The following PAX2 variants were observed in gnomAD, a reference collection of about 807,000 sequenced individuals.
PAX2 encodes the protein paired box 2.
PAX2 carries 9 observed loss-of-function variants against 41.7 expected under a neutral mutation model. The ratio of observed to expected loss-of-function variants is 0.22; its 90% CI spans 0.13 to 0.38. The LOEUF is 0.38. PAX2 is among the 10% of genes least tolerant of loss of function. PAX2 has a pLI of 1.00. For synonymous variants in PAX2, 221 were observed against 212.7 expected (o/e 1.04, Z -0.34); for missense variants, 418 against 531.6 (o/e 0.79, Z 2.10).
In PAX2 at chr10:100,824,423, C is replaced by A. The variant is rs1427326500; in HGVS notation, c.920-225C>A. On this transcript the variant is annotated intron_variant, in intron 7 of 9. Transcript: ENST00000355243. This position sits in a 1 kb window ranked among gnomAD's most constrained non-coding sequence, Gnocchi z 6.6. ...ATACACAGAGACACAAAGAGCTACA[C>A]AAAACAGAGATGCGTACACACAGCT... Among the ~76,000 whole-genome samples the A allele has an allele frequency of 6.6e-6, 1 of 150,844 alleles. No homozygotes were observed. Among genetic ancestry groups the A allele is most frequent in the Non-Finnish European group, 1.5e-5 (1 of 67,760 alleles).
chr10:100,802,951 C>T (rs1314793134), intron 5 of PAX2, among the ~76,000 whole-genome samples: 1 of 152,260 alleles, frequency 6.6e-6, no homozygotes, highest in Admixed American at 6.5e-5. Flanking sequence ...TCTCTTTCTT[C>T]CTCCTTGCCG....
At chr10:100,790,296 G>T (rs533044563) in intron 5 of PAX2, among the ~76,000 whole-genome samples, 1 of 152,264 alleles carries the variant, frequency 6.6e-6, no homozygotes, top group South Asian at 2.1e-4. Context: ...GGGGTGGGCG[G>T]GTGTAGGTAT....
chr10:100,815,712 G>A (rs1848163856), intron 7 of PAX2, among the ~76,000 whole-genome samples: 1 of 152,212 alleles, frequency 6.6e-6, no homozygotes, highest in Non-Finnish European at 1.5e-5. Flanking sequence ...AGAGGTAAAG[G>A]ATATGGAAAA....
At chr10:100,766,639 G>A (rs1049427711) in intron 3 of PAX2, among the ~76,000 whole-genome samples, 21 of 152,184 alleles carry the variant, frequency 1.4e-4, no homozygotes, top group African/African-American at 4.8e-4. Flanking sequence ...TTGCTTCCAA[G>A]AAGAATAGAA....
At chr10:100,788,006 C>T (rs1205288671) in intron 5 of PAX2, among the ~76,000 whole-genome samples, 3 of 152,210 alleles carry the variant, frequency 2.0e-5, no homozygotes, top group South Asian at 2.1e-4. Context: ...GCAGACCAGC[C>T]GTGGTGTCAC....
At chr10:100,735,890 G>C (rs541826748) in intron 1 of PAX2, among the ~76,000 whole-genome samples, 1 of 152,208 alleles carries the variant, frequency 6.6e-6, no homozygotes, top group Admixed American at 6.5e-5. Context: ...GCGGACTCTG[G>C]GGCCTCCTGG....
intron 1 of PAX2, among the ~76,000 whole-genome samples, chr10:100,737,963 C>G (rs1233842624): frequency 4.6e-5 from 7 of 152,242 alleles, no homozygotes; most frequent in Non-Finnish European, 1.5e-5. Flanking sequence ...GGGATTGAAT[C>G]AGCAACTAGG....
intron 1 of PAX2, chr10:100,735,783 G>A (rs2133806422): frequency 2.0e-6 from 2 of 1,015,462 alleles, no homozygotes; most frequent in Non-Finnish European, 2.4e-6. Context: ...CTAGGGGAGA[G>A]GGATGGGGGC....
chr10:100,764,124 C>T (rs1473235149), intron 3 of PAX2, among the ~76,000 whole-genome samples: 3 of 149,890 alleles, frequency 2.0e-5, no homozygotes, highest in Admixed American at 1.3e-4. Context: ...TTTGTGTATG[C>T]ACAAACATTG....
intron 3 of PAX2, among the ~76,000 whole-genome samples, chr10:100,768,034 C>T (rs1846083839): frequency 6.7e-6 from 1 of 150,332 alleles, no homozygotes; most frequent in Non-Finnish European, 1.5e-5. Flanking sequence ...GAGAGATACA[C>T]AGGTATACAA....
chr10:100,762,715 AG>A (rs1675273782), intron 3 of PAX2, among the ~76,000 whole-genome samples: 1 of 152,236 alleles, frequency 6.6e-6, no homozygotes, highest in South Asian at 2.1e-4. Context: ...AAATGATAAA[AG>A]ACAGAGCACT....
At chr10:100,816,428 A>C (rs993399320) in intron 7 of PAX2, among the ~76,000 whole-genome samples, 1 of 152,234 alleles carries the variant, frequency 6.6e-6, no homozygotes, top group East Asian at 1.9e-4. Context: ...TAAGAAGAAA[A>C]TGTTGGCTAA....
intron 3 of PAX2, among the ~76,000 whole-genome samples, chr10:100,759,926 T>G (rs1295207590): frequency 6.6e-6 from 1 of 152,106 alleles, no homozygotes; most frequent in Non-Finnish European, 1.5e-5. Context: ...GGCAGGCAGA[T>G]GATAGAAGCT....
chr10:100,792,014 GC>G (rs1288343054), intron 5 of PAX2, among the ~76,000 whole-genome samples: 1 of 152,222 alleles, frequency 6.6e-6, no homozygotes, highest in Non-Finnish European at 1.5e-5. Flanking sequence ...CTAGGGACTT[GC>G]TTTTTCTTCG....
rs982995720 is a variant in PAX2 at position 100,747,926 on chromosome 10, G to A, written c.43+1623G>A. 8 of 980,932 alleles carry A rather than the reference G, an allele frequency of 8.2e-6. No homozygotes were observed. In the African/African-American group the frequency reaches 1.1e-4, roughly 13 times the overall value. The allele number at this position is 980,932 out of a possible 1,614,324, so 60.8% of individuals were successfully genotyped here. ...GGGGTCCGCCGAGTCCTGGCTGCCC[G>A]CGGGCAGCCACTTTGAAACCCAAAG... On this transcript the variant is annotated intron_variant, in intron 1 of 9. Transcript: ENST00000355243.
In PAX2 at chr10:100,795,743, T is replaced by C. The variant is rs182347776; in HGVS notation, c.617-10687T>C. The stretch of plus-strand genomic sequence containing the variant: ...TTTCTTTGTGACATCTCAGGGATCA[T>C]CAACAGCAGTTTTAGGGTCCTGTGT... On this transcript the variant is annotated intron_variant, in intron 5 of 9. Coordinates refer to ENST00000355243, the MANE Select transcript of PAX2 (RefSeq NM_000278.5). Among the ~76,000 whole-genome samples the C allele has an allele frequency of 4.7e-3, 709 of 152,340 alleles. 6 individuals are homozygous for C. Among genetic ancestry groups the C allele is most frequent in the Non-Finnish European group, 6.0e-3 (406 of 68,036 alleles).
upstream of PAX2, among the ~76,000 whole-genome samples, chr10:100,741,318 T>TGAA (rs1457127625): frequency 1.5e-5 from 2 of 135,762 alleles, no homozygotes; most frequent in Non-Finnish European, 3.1e-5. Flanking sequence ...GGGTCTTAGA[T>TGAA]GAAAAAAAAA....
At chr10:100,783,656 G>A (rs12254939) in intron 5 of PAX2, among the ~76,000 whole-genome samples, 3,302 of 126,736 alleles carry the variant, frequency 0.026, 143 homozygotes, top group African/African-American at 0.096. Flanking sequence ...GAAGGAGTTT[G>A]GGCTTTTTTT....
chr10:100,824,361 C>CACACAT lies in PAX2; in HGVS notation c.920-282_920-281insTACACA, dbSNP rs1848471189. Among the ~76,000 whole-genome samples, 1 of 139,886 alleles carries CACACAT rather than the reference C, an allele frequency of 7.1e-6. No individual in the cohort carries two copies. Among genetic ancestry groups the CACACAT allele is most frequent in the Non-Finnish European group, 1.5e-5 (1 of 66,280 alleles). 91.8% of individuals were successfully genotyped at this position (139,886 alleles called of 152,430 possible). The stretch of plus-strand genomic sequence containing the variant: ...ACACAGGCAAAGGCAGATACACACA[C>CACACAT]ACACACACACACACACACACACACA... On this transcript the variant is annotated intron_variant, in intron 7 of 9. Coordinates refer to ENST00000355243, the MANE Select transcript of PAX2 (RefSeq NM_000278.5). This position sits in a 1 kb window ranked among gnomAD's most constrained non-coding sequence, Gnocchi z 6.6.
Sources: gnomAD v4.1 joint callset for allele counts (sites outside exome capture counted in the v4.1 genomes callset) on GRCh38, gnomAD v4.1.1 for gene constraint, Gnocchi (gnomAD v3.1) non-coding constraint, MANE v1.5 for transcripts, NCBI Gene and HGNC (gene_info 2026-07-23, HGNC 2026-07-21) for gene names.